NPR3: variants seen among roughly 807,000 people sequenced by gnomAD.
The protein encoded by NPR3 is natriuretic peptide receptor 3, also known as atrial natriuretic peptide receptor 3.
In NPR3, 34 loss-of-function variants were observed where a neutral mutation model predicts 54.5. The ratio of observed to expected loss-of-function variants is 0.62; its 90% CI spans 0.47 to 0.83. The LOEUF (loss-of-function observed/expected upper bound fraction) is 0.83. Ranked by LOEUF, NPR3 falls within the 40% of genes least tolerant of loss-of-function variation. The probability of loss-of-function intolerance (pLI) is 0.00; values close to 1 mark genes in which losing one functional copy is unlikely to be tolerated. For synonymous variants in NPR3, 289 were observed against 297.1 expected, an observed-to-expected ratio of 0.97 and a Z score of 0.28; for missense variants, 674 against 720.8, an observed-to-expected ratio of 0.94 and a Z score of 0.74.
At chr5:32,692,185 G>A (rs1346244470) in intron 1 of NPR3, among the ~76,000 whole-genome samples, 2 of 152,126 alleles carry the variant, frequency 1.3e-5, no homozygotes, top group African/African-American at 2.4e-5. Flanking sequence ...AAAAGAACTC[G>A]AAGTGATTCA....
upstream of NPR3, chr5:32,710,123 C>T (rs1738134764): frequency 6.6e-6 from 1 of 152,210 alleles, no homozygotes; most frequent in African/African-American, 2.4e-5. Flanking sequence ...GCGGCGGACT[C>T]CCGCGATGCT....
At chr5:32,701,548 C>T (rs574048333) in intron 1 of NPR3, among the ~76,000 whole-genome samples, 1 of 152,164 alleles carries the variant, frequency 6.6e-6, no homozygotes, top group Admixed American at 6.5e-5. Flanking sequence ...TCATGTTTTC[C>T]TAGATGATCT....
chr5:32,698,415 T>C (rs997710438), intron 1 of NPR3, among the ~76,000 whole-genome samples: 3 of 152,116 alleles, frequency 2.0e-5, no homozygotes, highest in Admixed American at 2.0e-4. Flanking sequence ...TAACATATGG[T>C]CTTTTCTGTG....
intron 3 of NPR3, among the ~76,000 whole-genome samples, chr5:32,741,363 G>A (rs951609681): frequency 6.6e-6 from 1 of 152,192 alleles, no homozygotes; most frequent in Non-Finnish European, 1.5e-5. Flanking sequence ...AGGCTGCAGT[G>A]ATCCGTGATT....
chr5:32,765,837 T>C (rs570872900), intron 3 of NPR3, among the ~76,000 whole-genome samples: 71 of 152,320 alleles, frequency 4.7e-4, no homozygotes, highest in Middle Eastern at 6.8e-3. Context: ...ATAAAGGCAC[T>C]ATTTACAAAG....
At chr5:32,722,598 A>T (rs1189971007) in intron 1 of NPR3, among the ~76,000 whole-genome samples, 1 of 152,180 alleles carries the variant, frequency 6.6e-6, no homozygotes, top group African/African-American at 2.4e-5. Context: ...CACTTGATCG[A>T]AAAATGATGA....
In NPR3 at chr5:32,735,479, CAAA is replaced by C. The variant is rs10555665; in HGVS notation, c.893-3372_893-3370del. Among the ~76,000 whole-genome samples, 64 of 127,056 alleles carry C rather than the reference CAAA, an allele frequency of 5.0e-4. 1 individual carries two copies. The highest frequency in any genetic ancestry group is 3.9e-3 in the Middle Eastern group (1 of 254). The allele number at this position is 127,056 out of a possible 152,430, so 83.4% of individuals were successfully genotyped here. A position where few individuals can be genotyped will look rare whatever the true frequency, so the allele number is the denominator to read the frequency against. On this transcript the variant is annotated intron_variant, in intron 2 of 7. Coordinates refer to ENST00000265074, the MANE Select transcript of NPR3 (RefSeq NM_001204375.2). Reference sequence around the variant, plus strand: ...AAATTTACTATATTCAGAAAAATACCAAAAAAAAAAAAAAAGGAAAAGAAAACT... The same window carrying C: ...AAATTTACTATATTCAGAAAAATACCAAAAAAAAAAAAGGAAAAGAAAACT...
rs1742881113 is a variant in NPR3, at chr5:32,791,025, AT to A, written c.*4683del. The A allele has an allele frequency of 6.0e-6, 1 of 167,228 alleles. No individual in the cohort carries two copies. Among genetic ancestry groups the A allele is most frequent in the Admixed American group, 6.5e-5 (1 of 15,308 alleles). 10.4% of individuals were successfully genotyped at this position (167,228 alleles called of 1,614,324 possible). A position where few individuals can be genotyped will look rare whatever the true frequency, so the allele number is the denominator to read the frequency against. On this transcript the variant is annotated 3_prime_UTR_variant, in exon 8 of 8. Coordinates refer to ENST00000265074, the MANE Select transcript of NPR3 (RefSeq NM_001204375.2). ...AACATAGGCTACCAAAATATTTCTTATTTGCTAGGAGAACAAAGCTGTCACG... is the reference window on the plus strand; with the variant it reads ...AACATAGGCTACCAAAATATTTCTTATTGCTAGGAGAACAAAGCTGTCACG...
intron 2 of NPR3, among the ~76,000 whole-genome samples, chr5:32,735,402 C>G (rs963763755): frequency 6.7e-6 from 1 of 150,304 alleles, no homozygotes; most frequent in African/African-American, 2.5e-5. Flanking sequence ...TGCCTTTGTT[C>G]TCAAGGGCTC....
chr5:32,736,363 G>A (rs10521000), intron 2 of NPR3, among the ~76,000 whole-genome samples: 28,533 of 151,640 alleles, frequency 0.19, 2,806 homozygotes, highest in South Asian at 0.28. Context: ...TGTCCATTTC[G>A]GTCCGTGAGA....
At chr5:32,765,433 T>C (rs1741400080) in intron 3 of NPR3, among the ~76,000 whole-genome samples, 1 of 151,768 alleles carries the variant, frequency 6.6e-6, no homozygotes, top group Non-Finnish European at 1.5e-5. Flanking sequence ...TGGGAGTGAG[T>C]GAGAGAGGGG....
At chr5:32,737,861 C>T (rs56991155) in intron 2 of NPR3, among the ~76,000 whole-genome samples, 8,791 of 152,112 alleles carry the variant, frequency 0.058, 296 homozygotes, top group Non-Finnish European at 0.072. Flanking sequence ...ACCCATATCA[C>T]GGGGTCTTCT....
intron 3 of NPR3, among the ~76,000 whole-genome samples, chr5:32,751,572 C>T (rs1740577999): frequency 6.6e-6 from 1 of 152,160 alleles, no homozygotes; most frequent in African/African-American, 2.4e-5. Flanking sequence ...TTGAGGTTAG[C>T]AGGCCACCCG....
chr5:32,772,884 A>AG lies in NPR3; in HGVS notation c.1060-1817dup, dbSNP rs202009539. 5.8e-3 allele frequency among the ~76,000 whole-genome samples: 876 copies of AG among 152,260 alleles called. 2 individuals carry two copies. Among genetic ancestry groups the AG allele is most frequent in the Middle Eastern group, 0.02 (6 of 294 alleles). On this transcript the variant is annotated intron_variant, in intron 3 of 7. Coordinates refer to ENST00000265074, the MANE Select transcript of NPR3 (RefSeq NM_001204375.2). ...CAACTAGGAAGTGGCAGAACTGGAA[A>AG]GGGGGGGCGAGGATTTTTAACCATT...
In NPR3 at chr5:32,712,400, G is replaced by A; in HGVS notation, c.624G>A (p.Lys208=). 6.2e-7 allele frequency: 1 copy of A among 1,613,428 alleles called. No individual in the cohort carries two copies. Among genetic ancestry groups the A allele is most frequent in the Non-Finnish European group, 8.5e-7 (1 of 1,179,634 alleles). ...CTGCACTGGTCTACAGCGACGACAA[G>A]CTGGAGCGGAACTGCTACTTCACCC... ...SRAALVYSDD[K]LERNCYFTLE... is the part of the protein sequence containing the mutation. The change falls in exon 1 of 8, where the codon AAG becomes AAA. Residue 208 remains lysine (K), a synonymous_variant. Coordinates refer to ENST00000265074, the MANE Select transcript of NPR3 (RefSeq NM_001204375.2).
intron 3 of NPR3, 147 bp from the exon 4 acceptor site, chr5:32,774,561 C>T (rs996803819): frequency 2.2e-4 from 145 of 673,800 alleles, no homozygotes; most frequent in Middle Eastern, 4.2e-4. Context: ...AAAGTCATGG[C>T]GTGATTCTTG....
intron 4 of NPR3, among the ~76,000 whole-genome samples, chr5:32,777,553 G>T (rs1275825638): frequency 2.0e-5 from 3 of 152,178 alleles, no homozygotes; most frequent in Admixed American, 2.0e-4. Context: ...GACAAGTTTA[G>T]ATTTGGGGCT....
intron 3 of NPR3, among the ~76,000 whole-genome samples, chr5:32,769,318 T>C (rs1741631837): frequency 6.6e-6 from 1 of 152,246 alleles, no homozygotes; most frequent in Non-Finnish European, 1.5e-5. Context: ...ACCCTCGTGC[T>C]ATGCACACAG....
intron 4 of NPR3, 126 bp downstream of exon 4, chr5:32,774,969 C>G: frequency 1.4e-6 from 1 of 733,170 alleles, no homozygotes; most frequent in South Asian, 1.6e-5. Context: ...CTAAAGCAGC[C>G]CATCTCATAG....
Sources: gnomAD v4.1 joint callset for allele counts (sites outside exome capture counted in the v4.1 genomes callset) on GRCh38, gnomAD v4.1.1 for gene constraint, MANE v1.5 for transcripts, NCBI Gene and HGNC (gene_info 2026-07-23, HGNC 2026-07-21) for gene names.